The following TMC1 variants were observed in gnomAD, a reference collection of about 807,000 sequenced individuals.
TMC1 encodes transmembrane channel-like protein 1.
A neutral mutation model predicts 105.8 loss-of-function variants in TMC1; 84 were observed. The observed-to-expected ratio is 0.79, with a 90% CI of 0.67 to 0.95. The LOEUF is 0.95. Ranked by LOEUF, TMC1 falls within the 40% of genes least tolerant of loss-of-function variation. TMC1 has a pLI of 0.00. For synonymous variants in TMC1, 315 were observed against 311.5 expected, an observed-to-expected ratio of 1.01 and a Z score of -0.12; for missense variants, 817 against 914.1, an observed-to-expected ratio of 0.89 and a Z score of 1.37.
At position 72,701,964 on chromosome 9, in the gene TMC1, C is replaced by T. The variant is rs149638342; in HGVS notation, c.362+1321C>T. ...GAAGGCAAAGGCAAGCAGCATCCTA[C>T]GTTCCACAGAGCTACAAATTTTGTG... On this transcript the variant is annotated intron_variant, in intron 8 of 23. Coordinates refer to ENST00000297784, the MANE Select transcript of TMC1 (RefSeq NM_138691.3). Among the ~76,000 whole-genome samples, 384 of 152,310 alleles carry T rather than the reference C, an allele frequency of 2.5e-3. 1 individual carries two copies. Among genetic ancestry groups the T allele is most frequent in the Non-Finnish European group, 4.2e-3 (289 of 68,020 alleles).
intron 4 of TMC1, among the ~76,000 whole-genome samples, chr9:72,641,402 A>T (rs933327725): frequency 4.6e-5 from 7 of 152,098 alleles, no homozygotes; most frequent in Non-Finnish European, 2.9e-5. Context: ...CTCACCCTGG[A>T]CTTTATGACA....
chr9:72,621,313 C>T (rs1825245140), intron 3 of TMC1, among the ~76,000 whole-genome samples: 1 of 152,156 alleles, frequency 6.6e-6, no homozygotes, highest in African/African-American at 2.4e-5. Flanking sequence ...GATCAAGCTA[C>T]TATTTATTGA....
intron 17 of TMC1, among the ~76,000 whole-genome samples, chr9:72,802,021 G>T (rs1053647010): frequency 6.6e-6 from 1 of 152,106 alleles, no homozygotes; most frequent in Admixed American, 6.6e-5. Flanking sequence ...AAGTCTTCTA[G>T]ACCTGGCAGT....
intron 1 of TMC1, 65 bp downstream of exon 1, chr9:72,521,978 A>G (rs1157740487): frequency 6.6e-6 from 1 of 152,220 alleles, no homozygotes; most frequent in Non-Finnish European, 1.5e-5. Flanking sequence ...ACATGTGTGA[A>G]GACCTAAATC....
At chr9:72,760,741 T>C (rs1407661328) in intron 12 of TMC1, among the ~76,000 whole-genome samples, 1 of 152,258 alleles carries the variant, frequency 6.6e-6, no homozygotes, top group African/African-American at 2.4e-5. Context: ...TAATGTAAGA[T>C]AAACACAAGC....
rs1176603263 is a variant in TMC1, at chr9:72,628,004, G to T, written c.-112G>T. 1 of 455,748 alleles carries T rather than the reference G, an allele frequency of 2.2e-6. No homozygotes were observed. Among genetic ancestry groups the T allele is most frequent in the African/African-American group, 2.0e-5 (1 of 50,132 alleles). The allele number at this position is 455,748 out of a possible 1,614,324, so 28.2% of individuals were successfully genotyped here. On this transcript the variant is annotated 5_prime_UTR_variant, in exon 4 of 24. Coordinates refer to ENST00000297784, the MANE Select transcript of TMC1 (RefSeq NM_138691.3). The stretch of plus-strand genomic sequence containing the variant: ...TGGGGGCAGCAACTTTGAGCCTGTG[G>T]GGAAGGAACTGTCCACGTGGAGTGG...
chr9:72,661,677 C>CT lies in TMC1; in HGVS notation c.16+13019dup, dbSNP rs200652326. Among the ~76,000 whole-genome samples the CT allele has an allele frequency of 9.3e-3, 1,410 of 152,280 alleles. 25 individuals carry two copies. The highest frequency in any genetic ancestry group is 0.032 in the African/African-American group (1,318 of 41,540). ...ATGTTCCTTATATGACTACTGACCACTTTTTTCTAGACTAAATATTGAAAC... is the reference window on the plus strand; with the variant it reads ...ATGTTCCTTATATGACTACTGACCACTTTTTTTCTAGACTAAATATTGAAAC... On this transcript the variant is annotated intron_variant, in intron 5 of 23. Transcript: ENST00000297784.
intron 10 of TMC1, among the ~76,000 whole-genome samples, chr9:72,743,711 A>G (rs1588060987): frequency 1.3e-5 from 2 of 149,778 alleles, no homozygotes; most frequent in East Asian, 3.9e-4. Flanking sequence ...TAGAATATTC[A>G]TAGGAAGGAA....
chr9:72,730,662 A>T (rs1463792066), intron 8 of TMC1, among the ~76,000 whole-genome samples: 1 of 152,202 alleles, frequency 6.6e-6, no homozygotes, highest in Non-Finnish European at 1.5e-5. Context: ...AGGATGATTC[A>T]AGTGCATTAC....
intron 5 of TMC1, among the ~76,000 whole-genome samples, chr9:72,682,080 CTAT>C (rs1286654277): frequency 6.6e-6 from 1 of 152,070 alleles, no homozygotes; most frequent in Non-Finnish European, 1.5e-5. Context: ...AAAACCAAAA[CTAT>C]TATTCTCCTT....
At chr9:72,572,406 G>T (rs1031496938) in intron 1 of TMC1, among the ~76,000 whole-genome samples, 1 of 151,932 alleles carries the variant, frequency 6.6e-6, no homozygotes, top group Non-Finnish European at 1.5e-5. Context: ...TATTGGCCAG[G>T]CTGGTCTTGA....
At chr9:72,768,087 T>A (rs778435611) in intron 12 of TMC1, among the ~76,000 whole-genome samples, 3 of 152,290 alleles carry the variant, frequency 2.0e-5, no homozygotes, top group Non-Finnish European at 4.4e-5. Flanking sequence ...TGCCCATCAA[T>A]GATAGACTGG....
At chr9:72,816,782 T>A (rs1684868470) in intron 19 of TMC1, among the ~76,000 whole-genome samples, 1 of 152,180 alleles carries the variant, frequency 6.6e-6, no homozygotes, top group African/African-American at 2.4e-5. Flanking sequence ...TGTGAAGGGT[T>A]GTCATATCTT....
chr9:72,671,552 C>T (rs755029720), intron 5 of TMC1, among the ~76,000 whole-genome samples: 4 of 151,932 alleles, frequency 2.6e-5, no homozygotes, highest in Non-Finnish European at 5.9e-5. Flanking sequence ...TTGGAAAAGT[C>T]AATTCATCCA....
At position 72,666,925 on chromosome 9, in the gene TMC1, A is replaced by G. The variant is rs554491845; in HGVS notation, c.16+18261A>G. On this transcript the variant is annotated intron_variant, in intron 5 of 23. Coordinates refer to ENST00000297784, the MANE Select transcript of TMC1 (RefSeq NM_138691.3). Reference sequence around the variant, plus strand: ...AACAAAACAAAACAAAACAAAACAAACAATAAACGAAACACATGGTGGCGT... The same window carrying G: ...AACAAAACAAAACAAAACAAAACAAGCAATAAACGAAACACATGGTGGCGT... Among the ~76,000 whole-genome samples, 18 of 151,360 alleles carry G rather than the reference A, an allele frequency of 1.2e-4. No homozygotes were observed. The South Asian group carries it at 3.8e-3, about 32-fold the overall frequency.
intron 8 of TMC1, among the ~76,000 whole-genome samples, chr9:72,733,165 G>A (rs1827242320): frequency 7.4e-6 from 1 of 136,054 alleles, no homozygotes; most frequent in Admixed American, 7.7e-5. Flanking sequence ...AACACAGTTG[G>A]ATATCTACAG....
chr9:72,716,182 A>G (rs1213888831), intron 8 of TMC1, among the ~76,000 whole-genome samples: 1 of 152,198 alleles, frequency 6.6e-6, no homozygotes, highest in Non-Finnish European at 1.5e-5. Context: ...GCTCTCCTGT[A>G]TGAGGTGTCT....
chr9:72,525,544 AC>A (rs2132053298), intron 1 of TMC1, among the ~76,000 whole-genome samples: 1 of 152,344 alleles, frequency 6.6e-6, no homozygotes, highest in East Asian at 1.9e-4. Flanking sequence ...CCAGAAAGAA[AC>A]ACAGATGACA....
intron 12 of TMC1, among the ~76,000 whole-genome samples, chr9:72,759,748 C>T (rs1256119987): frequency 6.6e-6 from 1 of 152,160 alleles, no homozygotes; most frequent in East Asian, 1.9e-4. Flanking sequence ...TCGATATCTT[C>T]CATCCTATAT....
Sources: allele counts gnomAD v4.1 joint callset (sites outside exome capture counted in the v4.1 genomes callset), GRCh38; gene constraint gnomAD v4.1.1; transcripts MANE v1.5; gene names NCBI Gene and HGNC (gene_info 2026-07-23, HGNC 2026-07-21).